The following TMEM126A variants were observed in gnomAD, a reference collection of about 807,000 sequenced individuals.
The protein encoded by TMEM126A is transmembrane protein 126A, also known as optic atrophy 7.
In TMEM126A, 10 loss-of-function variants were observed where a neutral mutation model predicts 18.3. The observed-to-expected ratio is 0.55, with a 90% confidence interval of 0.34 to 0.93. The LOEUF (loss-of-function observed/expected upper bound fraction) is 0.93. Among genes scored for constraint, TMEM126A ranks in the 40% least tolerant of loss-of-function variants. TMEM126A has a pLI of 0.02. For synonymous variants in TMEM126A, 68 were observed against 78.1 expected, an observed-to-expected ratio of 0.87 and a Z score of 0.68; for missense variants, 246 against 230.2, an observed-to-expected ratio of 1.07 and a Z score of -0.44.
rs768225078 is a variant in TMEM126A at position 85,655,611 on chromosome 11, A to G, written c.298A>G (p.Thr100Ala). 4 of 1,613,494 alleles carry G rather than the reference A, an allele frequency of 2.5e-6. No individual in the cohort carries two copies. The highest frequency in any genetic ancestry group is 3.4e-6 in the Non-Finnish European group (4 of 1,179,550). ...TTTCCTAGGTGATTTGGATTGTGAA[A>G]CCTGTACCATAACACGGAGTGGACT... is the stretch of plus-strand genomic sequence containing the variant. ...PLNTGDLDCE[T>A]CTITRSGLTG... is the part of the protein sequence containing the mutation. Residue 100 changes from threonine (T) to alanine (A), a missense_variant, in exon 4 of 5, where the codon ACC (threonine) becomes GCC (alanine). Transcript: ENST00000304511.
intron 2 of TMEM126A, 37 bp downstream of exon 2, chr11:85,650,378 A>G (rs772788907): frequency 7.1e-7 from 1 of 1,410,046 alleles, no homozygotes; most frequent in Non-Finnish European, 1.0e-6. Context: ...ACCTTTTATC[A>G]GGTGGATTTT....
chr11:85,650,163 C>T, intron 1 of TMEM126A, 86 bp from the exon 2 acceptor site: 2 of 799,480 alleles, frequency 2.5e-6, no homozygotes, highest in Non-Finnish European at 4.0e-6. Flanking sequence ...TTCAGATTAG[C>T]TCTACAGTAT....
chr11:85,655,420 A>G (rs577377064), intron 3 of TMEM126A, 174 bp from the exon 4 acceptor site: 1 of 572,240 alleles, frequency 1.7e-6, no homozygotes, highest in Non-Finnish European at 3.2e-6. Flanking sequence ...AATTATTCCT[A>G]GCTATTTTAA....
At chr11:85,651,703 G>GT (rs2082501346) in intron 2 of TMEM126A, among the ~76,000 whole-genome samples, 2 of 152,180 alleles carry the variant, frequency 1.3e-5, no homozygotes, top group East Asian at 3.9e-4. Flanking sequence ...AAGGCCAGTA[G>GT]TAAGAACTTG....
chr11:85,654,523 C>T (rs2082523702), intron 3 of TMEM126A, among the ~76,000 whole-genome samples: 1 of 152,184 alleles, frequency 6.6e-6, no homozygotes, highest in Admixed American at 6.5e-5. Flanking sequence ...GCAATCTTGG[C>T]TCACTGCAAC....
chr11:85,650,780 T>C (rs1305829093), intron 2 of TMEM126A, among the ~76,000 whole-genome samples: 1 of 152,076 alleles, frequency 6.6e-6, no homozygotes, highest in East Asian at 1.9e-4. Flanking sequence ...TAAGATATTA[T>C]TAAAGAGGGC....
chr11:85,655,654 G>T lies in TMEM126A; in HGVS notation c.341G>T (p.Gly114Val). Residue 114 changes from glycine (G) to valine (V), a missense_variant, in exon 4 of 5, where the codon GGT becomes GTT. By Grantham distance (109) the Gly-to-Val change is moderately radical. Transcript: ENST00000304511. The part of the protein sequence containing the change: ...TRSGLTGLVI[G>V]GLYPVFLAIP... The stretch of plus-strand genomic sequence containing the variant: ...AGTGGACTGACTGGTCTTGTTATTG[G>T]TGGTCTATACCCTGTTTTCTTGGCT... 1 of 1,613,700 alleles carries T rather than the reference G, an allele frequency of 6.2e-7. No homozygotes were observed. Among genetic ancestry groups the T allele is most frequent in the Non-Finnish European group, 8.5e-7 (1 of 1,179,736 alleles).
At position 85,648,085 on chromosome 11, in the gene TMEM126A, A is replaced by G. The variant is rs1555208174; in HGVS notation, c.-12A>G. ...ACCCACAGGCTGCTGGGAGGAGAGCATAAGGTACTGGTATTCCGGGGGAGG... is the reference window on the plus strand; with the variant it reads ...ACCCACAGGCTGCTGGGAGGAGAGCGTAAGGTACTGGTATTCCGGGGGAGG... On this transcript the variant is annotated 5_prime_UTR_variant, in exon 1 of 5. Transcript: ENST00000304511. The G allele has an allele frequency of 6.6e-6, 1 of 152,394 alleles. No individual in the cohort carries two copies. The highest frequency in any genetic ancestry group is 2.1e-4 in the South Asian group (1 of 4,840). The allele number at this position is 152,394 out of a possible 1,614,324, so 9.4% of individuals were successfully genotyped here.
chr11:85,651,936 G>C (rs550832773), intron 2 of TMEM126A, among the ~76,000 whole-genome samples: 5 of 152,346 alleles, frequency 3.3e-5, no homozygotes, highest in South Asian at 4.1e-4. Flanking sequence ...GGCGGAGGCG[G>C]GCTGGTCACC....
At chr11:85,655,931 C>G (rs1407589006) in intron 4 of TMEM126A, among the ~76,000 whole-genome samples, 2 of 152,108 alleles carry the variant, frequency 1.3e-5, no homozygotes, top group East Asian at 3.8e-4. Context: ...AATTTGTGTA[C>G]TGAATACTAA....
rs36100288 is a variant in TMEM126A at position 85,654,072 on chromosome 11, T to G, written c.96T>G (p.Leu32=). Residue 32 remains leucine, a synonymous_variant, in exon 3 of 5, where the codon CTT becomes CTG. Transcript: ENST00000304511. ...CTTCTCACCCTTTCAGGAATCTACT[T>G]GAAAATGGATCGGTTTATGTTGGAT... ...NQLPEAERNL[L]ENGSVYVGLN... The G allele has an allele frequency of 3.3e-3, 5,368 of 1,614,166 alleles. 14 individuals carry two copies. Among genetic ancestry groups the G allele is most frequent in the Non-Finnish European group, 4.1e-3 (4,875 of 1,180,020 alleles).
chr11:85,653,205 C>G (rs181118180), intron 2 of TMEM126A, among the ~76,000 whole-genome samples: 1 of 152,240 alleles, frequency 6.6e-6, no homozygotes, highest in East Asian at 1.9e-4. Context: ...CAGTGGGGTT[C>G]TCAATGAGTG....
chr11:85,656,238 T>C (rs915683148), intron 4 of TMEM126A, 71 bp from the exon 5 acceptor site: 20 of 1,264,286 alleles, frequency 1.6e-5, no homozygotes, highest in Non-Finnish European at 2.3e-5. Context: ...AGGACTAATA[T>C]GTATCACAGA....
At position 85,654,210 on chromosome 11, in the gene TMEM126A, AAC is replaced by A; in HGVS notation, c.236_237del (p.Thr79ArgfsTer16). ...LPMAGIPFLT[T>X]DLTYRCFVSF... ...CAATGGCAGGGATACCTTTTCTTAC[AAC>A]AGACTTAACTTACAGATGTTTTGTA... On this transcript the variant is annotated frameshift_variant, in exon 3 of 5. Transcript: ENST00000304511. LOFTEE classifies it high-confidence loss of function. 1.9e-6 allele frequency: 3 copies of A among 1,614,214 alleles called. No homozygotes were observed. Among genetic ancestry groups the A allele is most frequent in the Non-Finnish European group, 2.5e-6 (3 of 1,180,034 alleles).
At chr11:85,648,769 T>A (rs917239618) in intron 1 of TMEM126A, among the ~76,000 whole-genome samples, 2 of 152,160 alleles carry the variant, frequency 1.3e-5, no homozygotes, top group Admixed American at 1.3e-4. Flanking sequence ...TAGGTTAGCT[T>A]TAAGTCTAGA....
chr11:85,652,041 G>C (rs566847903), intron 2 of TMEM126A, among the ~76,000 whole-genome samples: 1 of 152,198 alleles, frequency 6.6e-6, no homozygotes, highest in African/African-American at 2.4e-5. Flanking sequence ...GCACGTGCCT[G>C]TAGTCCTACC....
chr11:85,649,002 T>G (rs535155847), intron 1 of TMEM126A, among the ~76,000 whole-genome samples: 1 of 150,498 alleles, frequency 6.6e-6, no homozygotes, highest in African/African-American at 2.5e-5. Context: ...TGGCGAGATC[T>G]CGGCACACTG....
At chr11:85,653,666 G>C (rs897245521) in intron 2 of TMEM126A, among the ~76,000 whole-genome samples, 3 of 152,156 alleles carry the variant, frequency 2.0e-5, no homozygotes, top group African/African-American at 7.2e-5. Flanking sequence ...TAATGTTTCA[G>C]GGAAGAGTGA....
intron 3 of TMEM126A, 126 bp from the exon 4 acceptor site, chr11:85,655,468 T>C (rs2082530928): frequency 2.7e-6 from 2 of 745,814 alleles, no homozygotes; most frequent in Admixed American, 4.0e-5. Context: ...TAACAGGCTT[T>C]GTACAATTAC....
Sources: allele counts gnomAD v4.1 joint callset (sites outside exome capture counted in the v4.1 genomes callset), GRCh38; gene constraint gnomAD v4.1.1; transcripts MANE v1.5; gene names NCBI Gene and HGNC (gene_info 2026-07-23, HGNC 2026-07-21).